MDGA2: variants seen among roughly 807,000 people sequenced by gnomAD.
MDGA2 encodes the protein MAM domain-containing glycosylphosphatidylinositol anchor protein 2.
MDGA2 carries 40 observed loss-of-function variants against 117.8 expected under a neutral mutation model. That is an observed-to-expected ratio of 0.34 (90% CI 0.26 to 0.44). The LOEUF is 0.44. Among genes scored for constraint, MDGA2 ranks in the 20% least tolerant of loss-of-function variants. The probability of loss-of-function intolerance (pLI) is 1.00; values close to 1 mark genes in which losing one functional copy is unlikely to be tolerated. For synonymous variants in MDGA2, 452 were observed against 439.0 expected (o/e 1.03, Z -0.37); for missense variants, 1,123 against 1,250.6 (o/e 0.90, Z 1.54).
At chr14:47,087,230 G>T (rs61991261) in intron 6 of MDGA2, among the ~76,000 whole-genome samples, 6 of 151,570 alleles carry the variant, frequency 4.0e-5, no homozygotes, top group African/African-American at 1.5e-4. Flanking sequence ...ATTATAGATG[G>T]TTGGCTGGGT....
chr14:47,628,753 G>T (rs1263378096), intron 1 of MDGA2, among the ~76,000 whole-genome samples: 1 of 152,248 alleles, frequency 6.6e-6, no homozygotes. Flanking sequence ...CTTCAAGAAT[G>T]AAGATTTTTT....
At chr14:47,480,375 C>A (rs1197686227) in intron 1 of MDGA2, among the ~76,000 whole-genome samples, 1 of 151,844 alleles carries the variant, frequency 6.6e-6, no homozygotes, top group African/African-American at 2.4e-5. Flanking sequence ...GTCTTCTAAG[C>A]CTAAGCAGCA....
At chr14:47,573,626 A>T (rs773465089) in intron 1 of MDGA2, among the ~76,000 whole-genome samples, 1 of 152,220 alleles carries the variant, frequency 6.6e-6, no homozygotes, top group Non-Finnish European at 1.5e-5. Flanking sequence ...AACTAATTAG[A>T]GGTTGTAAAG....
At chr14:47,404,497 T>C (rs1180945365) in intron 1 of MDGA2, among the ~76,000 whole-genome samples, 1 of 147,098 alleles carries the variant, frequency 6.8e-6, no homozygotes, top group Non-Finnish European at 1.5e-5. Flanking sequence ...ATACCAAGTT[T>C]AAAAAAAAAA....
chr14:47,588,291 T>G (rs558750974), intron 1 of MDGA2, among the ~76,000 whole-genome samples: 62 of 142,408 alleles, frequency 4.4e-4, no homozygotes, highest in Non-Finnish European at 8.5e-4. Flanking sequence ...CACACACAAA[T>G]TGGTGGCTCA....
chr14:46,857,882 A>G (rs1372351002), intron 14 of MDGA2, among the ~76,000 whole-genome samples: 1 of 151,892 alleles, frequency 6.6e-6, no homozygotes, highest in African/African-American at 2.4e-5. Context: ...TCTCCAACTG[A>G]GTTCAAGCAA....
chr14:46,948,555 A>G (rs1885255394), intron 9 of MDGA2, among the ~76,000 whole-genome samples: 1 of 151,956 alleles, frequency 6.6e-6, no homozygotes, highest in African/African-American at 2.4e-5. Flanking sequence ...GGTGTGGTCT[A>G]GCTTGAGGGA....
intron 2 of MDGA2, among the ~76,000 whole-genome samples, chr14:47,238,964 G>C (rs1053517820): frequency 1.3e-5 from 2 of 151,612 alleles, no homozygotes; most frequent in Non-Finnish European, 3.0e-5. Flanking sequence ...TCAATTTTTT[G>C]TTGTAAGTAA....
intron 5 of MDGA2, among the ~76,000 whole-genome samples, chr14:47,125,901 T>C (rs1566638883): frequency 1.3e-5 from 2 of 152,034 alleles, no homozygotes; most frequent in African/African-American, 4.8e-5. Context: ...TTATTTGCCT[T>C]TGAAGTTGTG....
chr14:47,649,799 G>C (rs971278686), intron 1 of MDGA2, among the ~76,000 whole-genome samples: 1 of 152,040 alleles, frequency 6.6e-6, no homozygotes, highest in African/African-American at 2.4e-5. Flanking sequence ...CATAACAGTG[G>C]ATTTAAATTT....
At chr14:47,266,546 T>G (rs1228662490) in intron 2 of MDGA2, among the ~76,000 whole-genome samples, 1 of 152,182 alleles carries the variant, frequency 6.6e-6, no homozygotes. Flanking sequence ...AATTAAAATC[T>G]GATTCTGTCA....
chr14:47,491,859 T>TA (rs1372130926), intron 1 of MDGA2, among the ~76,000 whole-genome samples: 1 of 152,086 alleles, frequency 6.6e-6, no homozygotes, highest in East Asian at 1.9e-4. Context: ...TAGTTATTCC[T>TA]AAAAAAAATT....
chr14:47,593,386 T>C (rs1843849593), intron 1 of MDGA2, among the ~76,000 whole-genome samples: 1 of 152,198 alleles, frequency 6.6e-6, no homozygotes, highest in Non-Finnish European at 1.5e-5. Context: ...ACTGGGTGTA[T>C]ACCCAAAGGA....
chr14:47,382,502 T>C (rs920231660), intron 1 of MDGA2, among the ~76,000 whole-genome samples: 1 of 151,934 alleles, frequency 6.6e-6, no homozygotes, highest in African/African-American at 2.4e-5. Flanking sequence ...TTAAACAAAT[T>C]CATAAGAAAA....
intron 1 of MDGA2, among the ~76,000 whole-genome samples, chr14:47,553,108 C>T (rs1295262244): frequency 6.6e-6 from 1 of 152,102 alleles, no homozygotes; most frequent in Non-Finnish European, 1.5e-5. Context: ...CGGCCCTAAC[C>T]TCTGCTTTGG....
At chr14:47,289,066 T>C (rs545843068) in intron 2 of MDGA2, among the ~76,000 whole-genome samples, 1 of 152,066 alleles carries the variant, frequency 6.6e-6, no homozygotes, top group Non-Finnish European at 1.5e-5. Flanking sequence ...TTGTAAGTTA[T>C]TAAACTTAAG....
At chr14:46,964,969 G>C (rs1885965209) in intron 8 of MDGA2, among the ~76,000 whole-genome samples, 1 of 108,562 alleles carries the variant, frequency 9.2e-6, no homozygotes, top group Non-Finnish European at 1.6e-5. Context: ...TGTCGTCCAG[G>C]CTGGAGTGCA....
chr14:47,415,823 T>A (rs923752279), intron 1 of MDGA2, among the ~76,000 whole-genome samples: 1 of 152,126 alleles, frequency 6.6e-6, no homozygotes, highest in East Asian at 1.9e-4. Context: ...TCCTGCTGCA[T>A]CCTCACATGG....
At chr14:47,400,209 T>C (rs1483393791) in intron 1 of MDGA2, among the ~76,000 whole-genome samples, 6 of 152,314 alleles carry the variant, frequency 3.9e-5, no homozygotes, top group South Asian at 2.1e-4. Context: ...AATGTCAAAA[T>C]CTTTATTCTT....
Sources: allele counts gnomAD v4.1 joint callset (sites outside exome capture counted in the v4.1 genomes callset), GRCh38; gene constraint gnomAD v4.1.1; transcripts MANE v1.5; gene names NCBI Gene and HGNC (gene_info 2026-07-23, HGNC 2026-07-21).